Variants in FAT1 observed in about 807,000 individuals in gnomAD.
FAT1 encodes protocadherin Fat 1.
A neutral mutation model predicts 329.8 loss-of-function variants in FAT1; 171 were observed. The ratio of observed to expected loss-of-function variants is 0.52; its 90% confidence interval spans 0.46 to 0.59. The LOEUF (loss-of-function observed/expected upper bound fraction) is 0.59. Among genes scored for constraint, FAT1 ranks in the 20% least tolerant of loss-of-function variants. The probability of loss-of-function intolerance (pLI) is 0.00; values close to 1 mark genes in which losing one functional copy is unlikely to be tolerated. For synonymous variants in FAT1, 2,233 were observed against 2,228.6 expected, an observed-to-expected ratio of 1.00 and a Z score of -0.06; for missense variants, 5,672 against 5,774.4, an observed-to-expected ratio of 0.98 and a Z score of 0.57.
chr4:186,608,774 T>C (rs927389850), intron 16 of FAT1, among the ~76,000 whole-genome samples: 4 of 152,174 alleles, frequency 2.6e-5, no homozygotes, highest in Admixed American at 6.5e-5. Context: ...ATTACTCCAA[T>C]ACAACTGGGT....
intron 2 of FAT1, among the ~76,000 whole-genome samples, chr4:186,697,249 G>C (rs899368837): frequency 6.6e-6 from 1 of 152,126 alleles, no homozygotes; most frequent in Non-Finnish European, 1.5e-5. Flanking sequence ...TGGACAACAC[G>C]AGTTTGAACT....
intron 2 of FAT1, among the ~76,000 whole-genome samples, chr4:186,674,520 G>A (rs966124730): frequency 2.6e-5 from 4 of 152,174 alleles, no homozygotes; most frequent in Non-Finnish European, 5.9e-5. Context: ...GGAAAAACAG[G>A]CAACACATCC....
chr4:186,658,871 T>C (rs1742036913), intron 3 of FAT1, among the ~76,000 whole-genome samples: 7 of 152,144 alleles, frequency 4.6e-5, no homozygotes, highest in African/African-American at 1.7e-4. Flanking sequence ...TGAGAGCCTG[T>C]GCCACACTGC....
chr4:186,595,679 G>C lies in FAT1; in HGVS notation c.13138+10C>G. On this transcript the variant is annotated intron_variant, in intron 26 of 26. Transcript: ENST00000441802. ...GCAAAGCGCAGTGTTGCAGCACACT[G>C]CTGCCTCACCATTGTCATCGCACGA... 1 of 1,613,648 alleles carries C rather than the reference G, an allele frequency of 6.2e-7. No individual in the cohort carries two copies.
chr4:186,652,117 C>T (rs751193463), intron 3 of FAT1, among the ~76,000 whole-genome samples: 60 of 152,306 alleles, frequency 3.9e-4, no homozygotes, highest in Middle Eastern at 3.4e-3. Flanking sequence ...AGTCTTCAGA[C>T]GTCTCTTCTG....
At chr4:186,670,426 A>G (rs949224766) in intron 2 of FAT1, among the ~76,000 whole-genome samples, 8 of 152,192 alleles carry the variant, frequency 5.3e-5, no homozygotes, top group African/African-American at 1.9e-4. Flanking sequence ...CAATACCCTC[A>G]GCGTAAACAG....
At chr4:186,682,835 C>T (rs893676474) in intron 2 of FAT1, among the ~76,000 whole-genome samples, 3 of 152,156 alleles carry the variant, frequency 2.0e-5, no homozygotes, top group East Asian at 1.9e-4. Flanking sequence ...CAAGGGGGAA[C>T]CAGGCAGAAA....
chr4:186,617,349 T>C, intron 10 of FAT1, 148 bp from the exon 11 acceptor site: 1 of 627,332 alleles, frequency 1.6e-6, no homozygotes, highest in Non-Finnish European at 2.6e-6. Context: ...ATATTAGCCT[T>C]CCAATTTACA....
Position 186,719,272 on chromosome 4 carries a change from C to T in FAT1, c.-19+4392G>A, listed in dbSNP as rs906448425. Among the ~76,000 whole-genome samples the T allele has an allele frequency of 1.4e-4, 21 of 152,324 alleles. 2 individuals are homozygous for T. In the South Asian group the frequency reaches 3.7e-3, roughly 27 times the overall value. On this transcript the variant is annotated intron_variant, in intron 1 of 26. Transcript: ENST00000441802. Reference sequence around the variant, plus strand: ...CGTAACATTCCTCCTAAAATACCATCAAACCTAAGTTATACGATTGGCCTT... The same window carrying T: ...CGTAACATTCCTCCTAAAATACCATTAAACCTAAGTTATACGATTGGCCTT...
At position 186,633,635 on chromosome 4, in the gene FAT1, C is replaced by T. The variant is rs114340692; in HGVS notation, c.4323+49G>A. 6.9e-4 allele frequency: 1,118 copies of T among 1,609,318 alleles called. 5 individuals are homozygous for T. The African/African-American group carries it at 0.013, about 18-fold the overall frequency. On this transcript the variant is annotated intron_variant, in intron 7 of 26. Transcript: ENST00000441802. ...TTGCCCGTGGACCCCTAAGTCAGAA[C>T]GTTATCTCCATCCTCCTCTGACAAG... is the stretch of plus-strand genomic sequence containing the variant.
chr4:186,697,791 G>A (rs1267966701), intron 2 of FAT1, among the ~76,000 whole-genome samples: 9 of 152,028 alleles, frequency 5.9e-5, no homozygotes, highest in African/African-American at 9.7e-5. Context: ...ATCCTTACCC[G>A]CTGGTCCTCC....
At chr4:186,597,455 C>T (rs1738588026) in intron 24 of FAT1, among the ~76,000 whole-genome samples, 1 of 152,086 alleles carries the variant, frequency 6.6e-6, no homozygotes, top group African/African-American at 2.4e-5. Context: ...ATTACATCAA[C>T]CCCATTGGCT....
Position 186,596,199 on chromosome 4 carries a change from T to C in FAT1, c.13000+341A>G, listed in dbSNP as rs1473003907. 3.9e-5 allele frequency among the ~76,000 whole-genome samples: 6 copies of C among 152,202 alleles called. No individual in the cohort carries two copies. In the East Asian group the frequency reaches 1.2e-3, roughly 29 times the overall value. On this transcript the variant is annotated intron_variant, in intron 25 of 26. Coordinates refer to ENST00000441802, the MANE Select transcript of FAT1 (RefSeq NM_005245.4). This position sits in a 1 kb window ranked among gnomAD's most constrained non-coding sequence, Gnocchi z 4.7. ...ATATTTCCACTTCGCCAGGTCATAT[T>C]TTTAAAAATCCTAGCATGAAAATGC...
chr4:186,612,185 AT>A (rs1739481884), intron 13 of FAT1, among the ~76,000 whole-genome samples: 1 of 117,206 alleles, frequency 8.5e-6, no homozygotes, highest in Non-Finnish European at 1.8e-5. Flanking sequence ...TTATTCGCAA[AT>A]TTGTATGACT....
At chr4:186,639,195 T>G (rs1443183897) in intron 4 of FAT1, among the ~76,000 whole-genome samples, 1 of 152,192 alleles carries the variant, frequency 6.6e-6, no homozygotes, top group Non-Finnish European at 1.5e-5. Flanking sequence ...TACTTTTACT[T>G]TTGAGGTATT....
In FAT1 at chr4:186,596,577, G is replaced by C. The variant is rs2126386541; in HGVS notation, c.12963C>G (p.Asp4321Glu). Residue 4321 changes from aspartate (D) to glutamate (E), a missense_variant, in exon 25 of 27, where the codon GAC becomes GAG. Asp to Glu is a conservative substitution (Grantham distance 45). This residue lies in a region of FAT1 where 1,706 missense variants were observed against 1,859.1 expected (regional missense o/e 0.92). Transcript: ENST00000441802. The surrounding 1 kb of genome is among the most constrained non-coding windows in gnomAD (Gnocchi z 4.7). ...PPPSNSPSDS[D>E]SIQKPSWDFD... ...AGTCCCAGCTAGGCTTCTGGATGGAGTCGCTGTCAGAAGGGGAGTTTGAAG... is the reference window on the plus strand; with the variant it reads ...AGTCCCAGCTAGGCTTCTGGATGGACTCGCTGTCAGAAGGGGAGTTTGAAG... 1 of 1,613,198 alleles carries C rather than the reference G, an allele frequency of 6.2e-7. No homozygotes were observed. The highest frequency in any genetic ancestry group is 8.5e-7 in the Non-Finnish European group (1 of 1,179,662).
chr4:186,655,083 C>T (rs1285262466), intron 3 of FAT1, among the ~76,000 whole-genome samples: 2 of 152,074 alleles, frequency 1.3e-5, no homozygotes, highest in Non-Finnish European at 2.9e-5. Flanking sequence ...TATGTGATTG[C>T]ATTATGTATT....
intron 2 of FAT1, among the ~76,000 whole-genome samples, chr4:186,693,317 A>G (rs1172223274): frequency 6.6e-6 from 1 of 152,234 alleles, no homozygotes; most frequent in Admixed American, 6.5e-5. Flanking sequence ...ACATGAACAC[A>G]GTACTCGGCA....
At chr4:186,670,079 T>C (rs1185020896) in intron 2 of FAT1, among the ~76,000 whole-genome samples, 2 of 152,302 alleles carry the variant, frequency 1.3e-5, no homozygotes, top group Middle Eastern at 3.4e-3. Context: ...CAAATTCCCA[T>C]GGCCACAGAA....
Sources: gnomAD v4.1 joint callset for allele counts (sites outside exome capture counted in the v4.1 genomes callset) on GRCh38, gnomAD v4.1.1 for gene constraint, gnomAD v4.1.1 regional missense constraint, Gnocchi (gnomAD v3.1) non-coding constraint, MANE v1.5 for transcripts, NCBI Gene and HGNC (gene_info 2026-07-23, HGNC 2026-07-21) for gene names.